The following FICD variants were observed in gnomAD, a reference collection of about 807,000 sequenced individuals.
FICD encodes protein adenylyltransferase FICD.
Under a neutral mutation model 28.0 loss-of-function variants are expected in FICD, and 13 were observed. The observed-to-expected ratio is 0.46, with a 90% CI of 0.30 to 0.74. The LOEUF is 0.74. Ranked by LOEUF, FICD falls within the 30% of genes least tolerant of loss-of-function variation. The pLI is 0.07. For missense variants in FICD, 576 were observed against 624.5 expected, an observed-to-expected ratio of 0.92 and a Z score of 0.83; for synonymous variants, 268 against 266.4, an observed-to-expected ratio of 1.01 and a Z score of -0.06.
intron 1 of FICD, among the ~76,000 whole-genome samples, chr12:108,516,478 C>T (rs1871913463): frequency 6.6e-6 from 1 of 152,176 alleles, no homozygotes; most frequent in African/African-American, 2.4e-5. Flanking sequence ...GAAGGGGGGA[C>T]ACTTTAGAGC....
Position 108,519,655 on chromosome 12 carries a change from A to G in FICD, c.*180A>G, listed in dbSNP as rs1872042529. 1.8e-6 allele frequency: 1 copy of G among 557,156 alleles called. No individual in the cohort carries two copies. Among genetic ancestry groups the G allele is most frequent in the Non-Finnish European group, 3.1e-6 (1 of 320,304 alleles). 34.5% of individuals were successfully genotyped at this position (557,156 alleles called of 1,614,324 possible). On this transcript the variant is annotated 3_prime_UTR_variant, in exon 3 of 3. Transcript: ENST00000552695. This position sits in a 1 kb window ranked among gnomAD's most constrained non-coding sequence, Gnocchi z 4.5. ...AAGCCTTGTCTCTAAAATAACTTATAATTCAACCAAGCTATTTATTTTCTT... is the reference window on the plus strand; with the variant it reads ...AAGCCTTGTCTCTAAAATAACTTATGATTCAACCAAGCTATTTATTTTCTT...
In FICD at chr12:108,518,367, C is replaced by T. The variant is rs1159907308; in HGVS notation, c.302-33C>T. On this transcript the variant is annotated intron_variant, in intron 2 of 2. Transcript: ENST00000552695. This position sits in a 1 kb window ranked among gnomAD's most constrained non-coding sequence, Gnocchi z 4.4. The stretch of plus-strand genomic sequence containing the variant: ...GAATGTCCTCTGCCCCCTAGCCTCC[C>T]TCCCTCACAGCGCTTCTTTGGCTCT... 1 of 1,589,084 alleles carries T rather than the reference C, an allele frequency of 6.3e-7. No individual in the cohort carries two copies. Among genetic ancestry groups the T allele is most frequent in the Admixed American group, 1.7e-5 (1 of 59,918 alleles).
In FICD at chr12:108,518,884, C is replaced by T. The variant is rs1326071861; in HGVS notation, c.786C>T (p.Asn262=). 1.9e-5 allele frequency: 31 copies of T among 1,614,052 alleles called. No individual in the cohort carries two copies. Among genetic ancestry groups the T allele is most frequent in the Non-Finnish European group, 2.4e-5 (28 of 1,180,040 alleles). ...AVPGKSLEEQ[N]EVIGMHAAMK... ...CCGGGAAGAGCCTGGAGGAGCAGAA[C>T]GAGGTCATAGGCATGCATGCAGCCA... Residue 262 remains asparagine (N), a synonymous_variant, in exon 3 of 3, where the codon AAC becomes AAT. Coordinates refer to ENST00000552695, the MANE Select transcript of FICD (RefSeq NM_007076.3). This position sits in a 1 kb window ranked among gnomAD's most constrained non-coding sequence, Gnocchi z 4.4.
At position 108,518,576 on chromosome 12, in the gene FICD, G is replaced by C; in HGVS notation, c.478G>C (p.Asp160His). Residue 160 changes from aspartate to histidine, a missense_variant, in exon 3 of 3, where the codon GAC (aspartate) becomes CAC (histidine). Transcript: ENST00000552695. The surrounding 1 kb of genome is among the most constrained non-coding windows in gnomAD (Gnocchi z 4.4). Reference protein sequence around the residue: ...SEEDKDIIQADYLYTRALTIS... With the variant: ...SEEDKDIIQAHYLYTRALTIS... ...AGAAGACAAGGACATCATCCAGGCG[G>C]ACTACTTGTACACCAGAGCATTGAC... 1 of 1,614,198 alleles carries C rather than the reference G, an allele frequency of 6.2e-7. No individual in the cohort carries two copies. The highest frequency in any genetic ancestry group is 8.5e-7 in the Non-Finnish European group (1 of 1,180,024).
In FICD at chr12:108,519,301, C is replaced by T. The variant is rs996480796; in HGVS notation, c.1203C>T (p.His401=). The change falls in exon 3 of 3, where the codon CAC becomes CAT. Residue 401 remains histidine (H), a synonymous_variant. Transcript: ENST00000552695. The surrounding 1 kb of genome is among the most constrained non-coding windows in gnomAD (Gnocchi z 4.5). The part of the protein sequence containing the change: ...IRKEQRSDYY[H]VLEAANEGDV... ...AGGAGCAGCGGTCCGACTACTACCACGTGTTGGAAGCTGCCAACGAGGGCG... is the reference window on the plus strand; with the variant it reads ...AGGAGCAGCGGTCCGACTACTACCATGTGTTGGAAGCTGCCAACGAGGGCG... The T allele has an allele frequency of 1.6e-5, 26 of 1,614,128 alleles. No individual in the cohort carries two copies. Among genetic ancestry groups the T allele is most frequent in the Admixed American group, 8.3e-5 (5 of 60,018 alleles).
rs372951924 is a variant in FICD, at chr12:108,518,212, G to A, written c.302-188G>A. The A allele has an allele frequency of 1.6e-5, 11 of 704,846 alleles. No homozygotes were observed. The highest frequency in any genetic ancestry group is 3.0e-5 in the South Asian group (2 of 67,668). The allele number at this position is 704,846 out of a possible 1,614,324, so 43.7% of individuals were successfully genotyped here. ...GGATAGTGACTGCATACCACCACAC[G>A]GCTGGGGCAACAGAGTGGTACCGGG... On this transcript the variant is annotated intron_variant, in intron 2 of 2. Transcript: ENST00000552695. The surrounding 1 kb of genome is among the most constrained non-coding windows in gnomAD (Gnocchi z 4.4).
In FICD at chr12:108,519,687, A is replaced by C; in HGVS notation, c.*212A>C. 3.8e-6 allele frequency: 2 copies of C among 531,060 alleles called. No homozygotes were observed. The highest frequency in any genetic ancestry group is 6.6e-6 in the Non-Finnish European group (2 of 304,418). The allele number at this position is 531,060 out of a possible 1,614,324, so 32.9% of individuals were successfully genotyped here. On this transcript the variant is annotated 3_prime_UTR_variant, in exon 3 of 3. Coordinates refer to ENST00000552695, the MANE Select transcript of FICD (RefSeq NM_007076.3). The surrounding 1 kb of genome is among the most constrained non-coding windows in gnomAD (Gnocchi z 4.5). Reference sequence around the variant, plus strand: ...CCAAGCTATTTATTTTCTTCTTTGGAGCAAGCTAGTCAGTATTGTATGGTG... The same window carrying C: ...CCAAGCTATTTATTTTCTTCTTTGGCGCAAGCTAGTCAGTATTGTATGGTG...
In FICD at chr12:108,519,002, G is replaced by C; in HGVS notation, c.904G>C (p.Asp302His). The stretch of plus-strand genomic sequence containing the variant: ...CCACAGGCGGGTGCTGGGCTACGTG[G>C]ACCCCGTGGAAGCCGGCAGGTTTCG... ...EIHRRVLGYV[D>H]PVEAGRFRTT... Residue 302 changes from aspartate to histidine, a missense_variant, in exon 3 of 3, where the codon GAC becomes CAC. Transcript: ENST00000552695. The surrounding 1 kb of genome is among the most constrained non-coding windows in gnomAD (Gnocchi z 4.5). The C allele has an allele frequency of 6.2e-7, 1 of 1,614,190 alleles. No homozygotes were observed. Among genetic ancestry groups the C allele is most frequent in the Non-Finnish European group, 8.5e-7 (1 of 1,180,040 alleles).
chr12:108,516,267 G>T (rs1003361549), intron 1 of FICD, among the ~76,000 whole-genome samples: 4 of 152,220 alleles, frequency 2.6e-5, no homozygotes, highest in African/African-American at 7.2e-5. Flanking sequence ...CCAGAGAGGG[G>T]AAGGGCACTG....
rs1243716471 is a variant in FICD, at chr12:108,517,977, C to T, written c.302-423C>T. The T allele has an allele frequency of 2.7e-5, 17 of 627,670 alleles. No individual in the cohort carries two copies. In the Admixed American group the frequency reaches 4.2e-4, roughly 15 times the overall value. The allele number at this position is 627,670 out of a possible 1,614,324, so 38.9% of individuals were successfully genotyped here. A position where few individuals can be genotyped will look rare whatever the true frequency, so the allele number is the denominator to read the frequency against. On this transcript the variant is annotated intron_variant, in intron 2 of 2. Transcript: ENST00000552695. ...GTGGGGAGTTGTTAACGCCTTTGGG[C>T]CTCCCGGGGCAGGAACCTGTGTCAC...
rs540987541 is a variant in FICD, at chr12:108,518,187, G to A, written c.302-213G>A. On this transcript the variant is annotated intron_variant, in intron 2 of 2. Transcript: ENST00000552695. The surrounding 1 kb of genome is among the most constrained non-coding windows in gnomAD (Gnocchi z 4.4). The stretch of plus-strand genomic sequence containing the variant: ...CAAGAGAGTGGCTCTGGGGACACAC[G>A]GATAGTGACTGCATACCACCACACG... The A allele has an allele frequency of 1.7e-5, 12 of 703,116 alleles. No individual in the cohort carries two copies. The highest frequency in any genetic ancestry group is 2.3e-4 in the Middle Eastern group (1 of 4,364). The allele number at this position is 703,116 out of a possible 1,614,324, so 43.6% of individuals were successfully genotyped here. A position where few individuals can be genotyped will look rare whatever the true frequency, so the allele number is the denominator to read the frequency against.
chr12:108,521,193 GTTATT>G lies in FICD; in HGVS notation c.*1724_*1728del, dbSNP rs1341294356. On this transcript the variant is annotated 3_prime_UTR_variant, in exon 3 of 3. Transcript: ENST00000552695. The stretch of plus-strand genomic sequence containing the variant: ...TTAACAAATTCCTGATTCTAATAAA[GTTATT>G]TTATTACATGAATGCTTGAGACTGT... The G allele has an allele frequency of 3.3e-5, 5 of 152,182 alleles. No individual in the cohort carries two copies. The highest frequency in any genetic ancestry group is 1.2e-4 in the African/African-American group (5 of 41,452). The allele number at this position is 152,182 out of a possible 1,614,324, so 9.4% of individuals were successfully genotyped here. A position where few individuals can be genotyped will look rare whatever the true frequency, so the allele number is the denominator to read the frequency against.
chr12:108,516,472 G>A (rs1221114631), intron 1 of FICD, among the ~76,000 whole-genome samples: 1 of 152,196 alleles, frequency 6.6e-6, no homozygotes, highest in African/African-American at 2.4e-5. Context: ...ATATGGGAAG[G>A]GGGGACACTT....
In FICD at chr12:108,518,612, T is replaced by C. The variant is rs780151017; in HGVS notation, c.514T>C (p.Tyr172His). Residue 172 changes from tyrosine (Y) to histidine (H), a missense_variant, in exon 3 of 3, where the codon TAC (tyrosine) becomes CAC (histidine). By Grantham distance (83) the Tyr-to-His change is moderately conservative. Transcript: ENST00000552695. The surrounding 1 kb of genome is among the most constrained non-coding windows in gnomAD (Gnocchi z 4.4). ...CACCAGAGCATTGACCATCTCACCCTACCATGAGAAAGCACTGGTCAACCG... is the reference window on the plus strand; with the variant it reads ...CACCAGAGCATTGACCATCTCACCCCACCATGAGAAAGCACTGGTCAACCG... ...LYTRALTISP[Y>H]HEKALVNRDR... 9.9e-6 allele frequency: 16 copies of C among 1,614,056 alleles called. No homozygotes were observed. The Admixed American group carries it at 1.7e-4, about 17-fold the overall frequency.
intron 1 of FICD, 105 bp from the exon 2 acceptor site, chr12:108,516,810 T>G (rs1871920804): frequency 2.0e-6 from 1 of 509,292 alleles, no homozygotes; most frequent in African/African-American, 1.9e-5. Flanking sequence ...ACCCCATCTC[T>G]CTAGTGAGCT....
intron 1 of FICD, among the ~76,000 whole-genome samples, chr12:108,516,536 G>A (rs1487530789): frequency 6.6e-6 from 1 of 152,200 alleles, no homozygotes; most frequent in African/African-American, 2.4e-5. Flanking sequence ...TGCTCCCGGC[G>A]AGACTTTCGG....
rs1872060619 is a variant in FICD, at chr12:108,520,087, G to GTTGT, written c.*614_*615insGTTT. ...TTTGCAAACTTTAGTGCCAGCAGCT[G>GTTGT]TTTTTTTTTTTTTTTTTTTCATATT... On this transcript the variant is annotated 3_prime_UTR_variant, in exon 3 of 3. Transcript: ENST00000552695. 8.8e-6 allele frequency: 1 copy of GTTGT among 114,178 alleles called. No individual in the cohort carries two copies. Among genetic ancestry groups the GTTGT allele is most frequent in the African/African-American group, 3.4e-5 (1 of 29,040 alleles). 7.1% of individuals were successfully genotyped at this position (114,178 alleles called of 1,614,324 possible).
rs1200073772 is a variant in FICD at position 108,518,561 on chromosome 12, G to A, written c.463G>A (p.Asp155Asn). 1.7e-5 allele frequency: 28 copies of A among 1,614,118 alleles called. No individual in the cohort carries two copies. Among genetic ancestry groups the A allele is most frequent in the Non-Finnish European group, 2.4e-5 (28 of 1,180,054 alleles). ...TGGCATCTTCTCGGAAGAAGACAAG[G>A]ACATCATCCAGGCGGACTACTTGTA... ...EFGIFSEEDK[D>N]IIQADYLYTR... Residue 155 changes from aspartate to asparagine, a missense_variant, in exon 3 of 3, where the codon GAC becomes AAC. By Grantham distance (23) the Asp-to-Asn change is conservative (BLOSUM62 1). Transcript: ENST00000552695. This position sits in a 1 kb window ranked among gnomAD's most constrained non-coding sequence, Gnocchi z 4.4.
In FICD at chr12:108,518,455, G is replaced by C; in HGVS notation, c.357G>C (p.Gln119His). The C allele has an allele frequency of 1.2e-6, 2 of 1,614,156 alleles. No homozygotes were observed. The highest frequency in any genetic ancestry group is 1.7e-4 in the Middle Eastern group (1 of 6,060). The change falls in exon 3 of 3, where the codon CAG (glutamine) becomes CAC (histidine). Residue 119 changes from glutamine to histidine, a missense_variant. By Grantham distance (24) the Gln-to-His change is conservative. Transcript: ENST00000552695. This position sits in a 1 kb window ranked among gnomAD's most constrained non-coding sequence, Gnocchi z 4.4. Reference protein sequence around the residue: ...ALNQALEMKRQGKREKAQKLF... With the variant: ...ALNQALEMKRHGKREKAQKLF... ...ACCAGGCCCTGGAGATGAAGCGCCAGGGCAAGCGGGAAAAAGCCCAAAAGC... is the reference window on the plus strand; with the variant it reads ...ACCAGGCCCTGGAGATGAAGCGCCACGGCAAGCGGGAAAAAGCCCAAAAGC...
Sources: allele counts gnomAD v4.1 joint callset (sites outside exome capture counted in the v4.1 genomes callset), GRCh38; gene constraint gnomAD v4.1.1; non-coding constraint Gnocchi (gnomAD v3.1); transcripts MANE v1.5; gene names NCBI Gene and HGNC (gene_info 2026-07-23, HGNC 2026-07-21).